The following SPTBN1 variants were observed in gnomAD, a reference collection of about 807,000 sequenced individuals.
SPTBN1 encodes the protein spectrin beta, non-erythrocytic 1.
SPTBN1 carries 32 observed loss-of-function variants against 266.4 expected under a neutral mutation model. That is an observed-to-expected ratio of 0.12 (90% CI 0.09 to 0.16). SPTBN1 has a LOEUF of 0.16. Among genes scored for constraint, SPTBN1 ranks in the 10% least tolerant of loss-of-function variants. The probability of loss-of-function intolerance (pLI) is 1.00; values close to 1 mark genes in which losing one functional copy is unlikely to be tolerated. For synonymous variants in SPTBN1, 1,336 were observed against 1,162.2 expected (o/e 1.15, Z -3.04); for missense variants, 2,296 against 3,067.1 (o/e 0.75, Z 5.94).
rs750242229 is a variant in SPTBN1 at position 54,640,798 on chromosome 2, C to T, written c.3859-2185C>T. Among the ~76,000 whole-genome samples the T allele has an allele frequency of 3.3e-4, 50 of 152,346 alleles. 1 individual carries two copies. Among genetic ancestry groups the T allele is most frequent in the African/African-American group, 1.2e-3 (48 of 41,578 alleles). On this transcript the variant is annotated intron_variant, in intron 18 of 35. Transcript: ENST00000356805. Reference sequence around the variant, plus strand: ...AACTCCTGGCCTCAAGTGACCCACCCGCCTTGGCCTCCCAAAGTGCTGGGA... The same window carrying T: ...AACTCCTGGCCTCAAGTGACCCACCTGCCTTGGCCTCCCAAAGTGCTGGGA...
intron 2 of SPTBN1, among the ~76,000 whole-genome samples, chr2:54,566,077 G>A (rs1673635375): frequency 6.6e-6 from 1 of 152,048 alleles, no homozygotes; most frequent in Non-Finnish European, 1.5e-5. Context: ...GTAGATCCTA[G>A]TGCCTTTTCT....
chr2:54,581,115 A>G (rs1256749803), intron 2 of SPTBN1, among the ~76,000 whole-genome samples: 1 of 151,792 alleles, frequency 6.6e-6, no homozygotes, highest in Non-Finnish European at 1.5e-5. Flanking sequence ...AAGAAAAAAT[A>G]TATAAATATA....
chr2:54,660,969 A>T, intron 32 of SPTBN1: 1 of 985,408 alleles, frequency 1.0e-6, no homozygotes, highest in Non-Finnish European at 1.2e-6. Flanking sequence ...TTTCAAACAA[A>T]TGGAACAGAA....
At chr2:54,527,351 G>GT (rs1449088384) in intron 2 of SPTBN1, 1 of 152,076 alleles carries the variant, frequency 6.6e-6, no homozygotes, top group African/African-American at 2.4e-5. Context: ...GTCTTTAATT[G>GT]TGACAAGTAA....
Position 54,653,693 on chromosome 2 carries a change from G to A in SPTBN1, c.5662G>A (p.Glu1888Lys), listed in dbSNP as rs766647539. 1.5e-5 allele frequency: 25 copies of A among 1,614,082 alleles called. No homozygotes were observed. Among genetic ancestry groups the A allele is most frequent in the African/African-American group, 4.0e-5 (3 of 74,940 alleles). ...KADDIQKREN[E>K]VLEAWKSLLD... is the part of the protein sequence containing the mutation. ...CGACGATATCCAGAAGCGCGAGAAC[G>A]AGGTCCTGGAAGCCTGGAAGTCCCT... The change falls in exon 27 of 36, where the codon GAG (glutamate) becomes AAG (lysine). Residue 1888 changes from glutamate (E) to lysine (K), a missense_variant. Physicochemically the swap from Glu to Lys is moderately conservative, Grantham distance 56. Coordinates refer to ENST00000356805, the MANE Select transcript of SPTBN1 (RefSeq NM_003128.3). This position sits in a 1 kb window ranked among gnomAD's most constrained non-coding sequence, Gnocchi z 5.1.
chr2:54,620,559 G>C (rs1173997437), intron 7 of SPTBN1, among the ~76,000 whole-genome samples: 4 of 152,162 alleles, frequency 2.6e-5, no homozygotes, highest in Non-Finnish European at 5.9e-5. Context: ...TGAGGTGAGA[G>C]GATTGCTTGA....
At chr2:54,561,447 A>T (rs1034264019) in intron 2 of SPTBN1, among the ~76,000 whole-genome samples, 8 of 133,104 alleles carry the variant, frequency 6.0e-5, no homozygotes, top group African/African-American at 2.3e-4. Flanking sequence ...ACTGGGTTTA[A>T]TGCCTCTGAT....
rs73934514 is a variant in SPTBN1 at position 54,668,714 on chromosome 2, G to T, written c.*145G>T. ...TTTTTTTAATTTATAGAGCATTTCGGGGGGGGTGGGGGAAACACACCTAAA... is the reference window on the plus strand; with the variant it reads ...TTTTTTTAATTTATAGAGCATTTCGTGGGGGGTGGGGGAAACACACCTAAA... On this transcript the variant is annotated 3_prime_UTR_variant, in exon 36 of 36. Transcript: ENST00000356805. The T allele has an allele frequency of 9.9e-3, 6,790 of 683,616 alleles. 496 individuals are homozygous for T. The African/African-American group carries it at 0.11, about 11-fold the overall frequency. The allele number at this position is 683,616 out of a possible 1,614,324, so 42.3% of individuals were successfully genotyped here. A position where few individuals can be genotyped will look rare whatever the true frequency, so the allele number is the denominator to read the frequency against.
At chr2:54,621,375 G>C (rs778995226) in intron 7 of SPTBN1, 25 bp from the exon 8 acceptor site, 12 of 1,593,630 alleles carry the variant, frequency 7.5e-6, no homozygotes, top group Non-Finnish European at 9.5e-6. Context: ...GCAACACACT[G>C]AACAGAGTCT....
intron 3 of SPTBN1, among the ~76,000 whole-genome samples, chr2:54,605,291 T>A (rs1676766364): frequency 6.6e-6 from 1 of 152,208 alleles, no homozygotes; most frequent in Non-Finnish European, 1.5e-5. Flanking sequence ...CATGGAAGCA[T>A]GTACCCCTCT....
chr2:54,568,069 G>A (rs912548477), intron 2 of SPTBN1, among the ~76,000 whole-genome samples: 9 of 152,134 alleles, frequency 5.9e-5, no homozygotes, highest in Non-Finnish European at 1.0e-4. Flanking sequence ...CAAGTGCTTT[G>A]TATGCCTGTT....
chr2:54,472,932 C>T (rs1219983447), intron 1 of SPTBN1, among the ~76,000 whole-genome samples: 2 of 152,156 alleles, frequency 1.3e-5, no homozygotes, highest in Non-Finnish European at 1.5e-5. Context: ...AACCAAGTTT[C>T]TATACTAAAG....
rs778220738 is a variant in SPTBN1, at chr2:54,622,339, A to G, written c.916A>G (p.Lys306Glu). The G allele has an allele frequency of 6.2e-7, 1 of 1,614,200 alleles. No individual in the cohort carries two copies. Among genetic ancestry groups the G allele is most frequent in the Non-Finnish European group, 8.5e-7 (1 of 1,180,018 alleles). Residue 306 changes from lysine (K) to glutamate (E), a missense_variant, in exon 9 of 36, where the codon AAG becomes GAG. Physicochemically the swap from Lys to Glu is moderately conservative, Grantham distance 56. Coordinates refer to ENST00000356805, the MANE Select transcript of SPTBN1 (RefSeq NM_003128.3). ...NAIETEKMIE[K>E]YESLASDLLE... ...TATTGAAACAGAAAAAATGATTGAA[A>G]AGTATGAATCACTTGCCTCTGACCT...
rs1321762020 is a variant in SPTBN1 at position 54,629,443 on chromosome 2, G to A, written c.2309G>A (p.Ser770Asn). 2 of 1,614,070 alleles carry A rather than the reference G, an allele frequency of 1.2e-6. No individual in the cohort carries two copies. Among genetic ancestry groups the A allele is most frequent in the African/African-American group, 1.3e-5 (1 of 74,948 alleles). ...GACATCCTCAAGATTGTCTCCAGCA[G>A]CGACGTGGGCCACGATGAGTATTCC... ...MLDILKIVSS[S>N]DVGHDEYSTQ... The change falls in exon 14 of 36, where the codon AGC (serine) becomes AAC (asparagine). Residue 770 changes from serine to asparagine, a missense_variant. Transcript: ENST00000356805.
intron 2 of SPTBN1, among the ~76,000 whole-genome samples, chr2:54,552,730 C>T (rs914356074): frequency 2.6e-5 from 4 of 152,144 alleles, no homozygotes; most frequent in African/African-American, 7.2e-5. Context: ...GCTGGGATTA[C>T]AGGCGTGAGC....
intron 1 of SPTBN1, among the ~76,000 whole-genome samples, chr2:54,522,268 A>T (rs922770546): frequency 2.9e-4 from 44 of 152,148 alleles, no homozygotes; most frequent in African/African-American, 1.0e-3. Context: ...GAACATTAGG[A>T]AAAAAGGTGC....
chr2:54,580,934 C>G (rs1309139934), intron 2 of SPTBN1, among the ~76,000 whole-genome samples: 1 of 151,820 alleles, frequency 6.6e-6, no homozygotes, highest in African/African-American at 2.4e-5. Context: ...CCTGTCTCTA[C>G]TAAAAATACA....
chr2:54,580,168 C>G (rs566109674), intron 2 of SPTBN1, among the ~76,000 whole-genome samples: 1 of 152,206 alleles, frequency 6.6e-6, no homozygotes, highest in Non-Finnish European at 1.5e-5. Flanking sequence ...AGAATATTCT[C>G]TATGACAGCA....
intron 18 of SPTBN1, 71 bp from the exon 19 acceptor site, chr2:54,642,912 A>C: frequency 6.4e-7 from 1 of 1,559,784 alleles, no homozygotes; most frequent in Non-Finnish European, 8.7e-7. Context: ...ACATAAACAC[A>C]ACCCTTTCCA....
Sources: allele counts gnomAD v4.1 joint callset (sites outside exome capture counted in the v4.1 genomes callset), GRCh38; gene constraint gnomAD v4.1.1; non-coding constraint Gnocchi (gnomAD v3.1); transcripts MANE v1.5; gene names NCBI Gene and HGNC (gene_info 2026-07-23, HGNC 2026-07-21).